The following GRPEL1 variants were observed in gnomAD, a reference collection of about 807,000 sequenced individuals.
GRPEL1 encodes GrpE like 1, mitochondrial.
A neutral mutation model predicts 22.1 loss-of-function variants in GRPEL1; 13 were observed. The ratio of observed to expected loss-of-function variants is 0.59; its 90% confidence interval spans 0.38 to 0.94. The LOEUF (loss-of-function observed/expected upper bound fraction) is 0.94. Ranked by LOEUF, GRPEL1 falls within the 40% of genes least tolerant of loss-of-function variation. The pLI, the probability that GRPEL1 is intolerant of heterozygous loss-of-function variation, is 0.00. For missense variants in GRPEL1, 289 were observed against 264.6 expected (o/e 1.09, Z -0.64); for synonymous variants, 109 against 105.3 (o/e 1.03, Z -0.21).
chr4:7,064,568 T>C (rs1724123205), intron 1 of GRPEL1, among the ~76,000 whole-genome samples: 2 of 152,278 alleles, frequency 1.3e-5, no homozygotes, highest in East Asian at 3.9e-4. Flanking sequence ...AGTCTTGCTC[T>C]GTCACCCAAA....
chr4:7,067,903 G>A, intron 1 of GRPEL1, 68 bp downstream of exon 1: 2 of 1,520,082 alleles, frequency 1.3e-6, no homozygotes, highest in Non-Finnish European at 1.8e-6. Context: ...CCCGGGGCCG[G>A]GAAAGGCCCC....
chr4:7,066,761 G>C (rs1307026832), intron 1 of GRPEL1, among the ~76,000 whole-genome samples: 1 of 152,142 alleles, frequency 6.6e-6, no homozygotes, highest in Non-Finnish European at 1.5e-5. Flanking sequence ...CCCACACCCG[G>C]GGCCATCTCG....
In GRPEL1 at chr4:7,060,807, C is replaced by G. The variant is rs191560143; in HGVS notation, c.*55G>C. On this transcript the variant is annotated 3_prime_UTR_variant, in exon 4 of 4. Transcript: ENST00000264954. Reference sequence around the variant, plus strand: ...TACTCATAGATGAGAAACAATGAACCAGCCTTGAGAGTTACATCAAGTGAG... The same window carrying G: ...TACTCATAGATGAGAAACAATGAACGAGCCTTGAGAGTTACATCAAGTGAG... The G allele has an allele frequency of 1.2e-5, 17 of 1,439,066 alleles. 1 individual carries two copies. In the East Asian group the frequency reaches 3.9e-4, roughly 33 times the overall value. 89.1% of individuals were successfully genotyped at this position (1,439,066 alleles called of 1,614,324 possible).
rs959009930 is a variant in GRPEL1, at chr4:7,060,636, G to T, written c.*226C>A. 1.1e-5 allele frequency: 6 copies of T among 559,348 alleles called. No individual in the cohort carries two copies. In the East Asian group the frequency reaches 1.8e-4, roughly 17 times the overall value. 34.6% of individuals were successfully genotyped at this position (559,348 alleles called of 1,614,324 possible). A position where few individuals can be genotyped will look rare whatever the true frequency, so the allele number is the denominator to read the frequency against. On this transcript the variant is annotated 3_prime_UTR_variant, in exon 4 of 4. Coordinates refer to ENST00000264954, the MANE Select transcript of GRPEL1 (RefSeq NM_025196.4). ...AGGCAGGGCCCTGCTGAGCTCTTCT[G>T]AAAGTATGTGGAACTATTCAACGCG...
At chr4:7,064,426 C>A in intron 1 of GRPEL1, 1 of 461,240 alleles carries the variant, frequency 2.2e-6, no homozygotes, top group Admixed American at 3.9e-5. Flanking sequence ...AAGTCATATA[C>A]AATGTGCCTT....
rs955553654 is a variant in GRPEL1, at chr4:7,060,988, C to G, written c.528G>C (p.Glu176Asp). Reference protein sequence around the residue: ...VGAKFDPYEHEALFHTPVEGK... With the variant: ...VGAKFDPYEHDALFHTPVEGK... Reference sequence around the variant, plus strand: ...CCTCAACCGGTGTGTGGAACAAGGCCTCATGTTCATAAGGGTCGAACTTGG... The same window carrying G: ...CCTCAACCGGTGTGTGGAACAAGGCGTCATGTTCATAAGGGTCGAACTTGG... Residue 176 changes from glutamate (E) to aspartate (D), a missense_variant, in exon 4 of 4, where the codon GAG (glutamate) becomes GAC (aspartate). By Grantham distance (45) the Glu-to-Asp change is conservative (BLOSUM62 2). Coordinates refer to ENST00000264954, the MANE Select transcript of GRPEL1 (RefSeq NM_025196.4). 6.2e-7 allele frequency: 1 copy of G among 1,614,046 alleles called. No homozygotes were observed. Among genetic ancestry groups the G allele is most frequent in the Admixed American group, 1.7e-5 (1 of 59,994 alleles).
chr4:7,064,237 C>A lies in GRPEL1; in HGVS notation c.63-14G>T. 6.2e-7 allele frequency: 1 copy of A among 1,600,806 alleles called. No homozygotes were observed. Among genetic ancestry groups the A allele is most frequent in the South Asian group, 1.1e-5 (1 of 89,364 alleles). On this transcript the variant is annotated splice_polypyrimidine_tract_variant and intron_variant, in intron 1 of 3. Transcript: ENST00000264954. ...CGGGGAGATGGCCTACAGGGAAGTC[C>A]ACACGTGAGAAACGAAGACTTAGTT...
At chr4:7,066,588 G>T (rs992453188) in intron 1 of GRPEL1, among the ~76,000 whole-genome samples, 1 of 152,194 alleles carries the variant, frequency 6.6e-6, no homozygotes, top group Non-Finnish European at 1.5e-5. Flanking sequence ...AAAAAGCTAA[G>T]AATTTAAATA....
At position 7,067,985 on chromosome 4, in the gene GRPEL1, C is replaced by T. The variant is rs752872277; in HGVS notation, c.48G>A (p.Leu16=). Residue 16 remains leucine, a synonymous_variant, in exon 1 of 4, where the codon TTG becomes TTA. Coordinates refer to ENST00000264954, the MANE Select transcript of GRPEL1 (RefSeq NM_025196.4). ...VRLARRSLPA[L]ALSLRPSPRL... is the part of the protein sequence containing the mutation. ...GTGCCCCTTACCTGAGAGACAACGCCAAAGCAGGAAGACTGCGCCGCGCCA... is the reference window on the plus strand; with the variant it reads ...GTGCCCCTTACCTGAGAGACAACGCTAAAGCAGGAAGACTGCGCCGCGCCA... 2 of 1,613,540 alleles carry T rather than the reference C, an allele frequency of 1.2e-6. No individual in the cohort carries two copies. The highest frequency in any genetic ancestry group is 1.7e-6 in the Non-Finnish European group (2 of 1,179,932).
At chr4:7,065,931 G>A (rs1034726936) in intron 1 of GRPEL1, among the ~76,000 whole-genome samples, 7 of 148,666 alleles carry the variant, frequency 4.7e-5, no homozygotes, top group African/African-American at 1.7e-4. Flanking sequence ...TCGGCTCACT[G>A]CAAGCTCCGC....
In GRPEL1 at chr4:7,064,184, CTTT is replaced by C. The variant is rs2108792207; in HGVS notation, c.99_101del (p.Lys34del). On this transcript the variant is annotated inframe_deletion, in exon 2 of 4. Transcript: ENST00000264954. ...CCTCTTCCAGGTTCTGGCCACTGTT[CTTT>C]TGTTTCGTGGCTGTGCACAACAACC... 1 of 1,613,974 alleles carries C rather than the reference CTTT, an allele frequency of 6.2e-7. No individual in the cohort carries two copies. The highest frequency in any genetic ancestry group is 2.2e-5 in the East Asian group (1 of 44,868).
At chr4:7,062,942 T>TA (rs1220624623) in intron 2 of GRPEL1, among the ~76,000 whole-genome samples, 1 of 152,206 alleles carries the variant, frequency 6.6e-6, no homozygotes, top group Non-Finnish European at 1.5e-5. Flanking sequence ...GAGGGCAGCT[T>TA]AATGAAAGCT....
At chr4:7,062,316 G>T in intron 3 of GRPEL1, 69 bp downstream of exon 3, 1 of 652,332 alleles carries the variant, frequency 1.5e-6, no homozygotes. Flanking sequence ...ACTTCCGTAT[G>T]CATGGCCTTC....
chr4:7,064,348 CT>C, intron 1 of GRPEL1, 125 bp from the exon 2 acceptor site: 1 of 922,580 alleles, frequency 1.1e-6, no homozygotes. Context: ...GAAAACATTT[CT>C]GTTAGATCTA....
In GRPEL1 at chr4:7,064,184, CTTTT is replaced by C; in HGVS notation, c.98_101del (p.Gln33ArgfsTer38). ...CCTCTTCCAGGTTCTGGCCACTGTT[CTTTT>C]GTTTCGTGGCTGTGCACAACAACCG... On this transcript the variant is annotated frameshift_variant, in exon 2 of 4. Transcript: ENST00000264954. LOFTEE classifies it high-confidence loss of function. 1 of 1,613,974 alleles carries C rather than the reference CTTTT, an allele frequency of 6.2e-7. No individual in the cohort carries two copies. The highest frequency in any genetic ancestry group is 8.5e-7 in the Non-Finnish European group (1 of 1,179,864).
chr4:7,062,335 C>T, intron 3 of GRPEL1, 50 bp downstream of exon 3: 1 of 975,404 alleles, frequency 1.0e-6, no homozygotes, highest in Non-Finnish European at 1.6e-6. Flanking sequence ...TCCCCTTCCC[C>T]ACCCCATTAT....
rs1459828807 is a variant in GRPEL1 at position 7,064,150 on chromosome 4, G to C, written c.136C>G (p.Gln46Glu). ...SGQNLEEDMG[Q>E]SEQKADPPAT... is the part of the protein sequence containing the mutation. ...GGAGGATCTGCCTTCTGTTCACTCTGACCCATGTCCTCTTCCAGGTTCTGG... is the reference window on the plus strand; with the variant it reads ...GGAGGATCTGCCTTCTGTTCACTCTCACCCATGTCCTCTTCCAGGTTCTGG... The change falls in exon 2 of 4, where the codon CAG (glutamine) becomes GAG (glutamate). Residue 46 changes from glutamine (Q) to glutamate (E), a missense_variant. By Grantham distance (29) the Gln-to-Glu change is conservative. Coordinates refer to ENST00000264954, the MANE Select transcript of GRPEL1 (RefSeq NM_025196.4). 1 of 1,614,178 alleles carries C rather than the reference G, an allele frequency of 6.2e-7. No individual in the cohort carries two copies. The highest frequency in any genetic ancestry group is 1.1e-5 in the South Asian group (1 of 91,074).
intron 1 of GRPEL1, among the ~76,000 whole-genome samples, chr4:7,065,171 G>C (rs1306604437): frequency 6.6e-6 from 1 of 152,078 alleles, no homozygotes; most frequent in South Asian, 2.1e-4. Context: ...ACCCAGCAGA[G>C]ATCTTGCAAA....
chr4:7,062,318 A>G, intron 3 of GRPEL1, 67 bp downstream of exon 3: 1 of 655,210 alleles, frequency 1.5e-6, no homozygotes, highest in African/African-American at 1.9e-5. Context: ...TTCCGTATGC[A>G]TGGCCTTCCC....
Sources: allele counts gnomAD v4.1 joint callset (sites outside exome capture counted in the v4.1 genomes callset), GRCh38; gene constraint gnomAD v4.1.1; transcripts MANE v1.5; gene names NCBI Gene and HGNC (gene_info 2026-07-23, HGNC 2026-07-21).